TCF7L1: variants seen among roughly 807,000 people sequenced by gnomAD.
The protein encoded by TCF7L1 is transcription factor 7 like 1.
In TCF7L1, 18 loss-of-function variants were observed where a neutral mutation model predicts 63.7. The observed-to-expected ratio is 0.28, with a 90% CI of 0.20 to 0.42. The LOEUF (loss-of-function observed/expected upper bound fraction) is 0.42, where lower values mean the gene tolerates loss of function less well. TCF7L1 is among the 10% of genes least tolerant of loss of function. The pLI is 1.00. For missense variants in TCF7L1, 654 were observed against 779.3 expected, an observed-to-expected ratio of 0.84 and a Z score of 1.91; for synonymous variants, 355 against 340.9, an observed-to-expected ratio of 1.04 and a Z score of -0.46.
intron 3 of TCF7L1, among the ~76,000 whole-genome samples, chr2:85,137,016 G>A (rs919033843): frequency 1.3e-5 from 2 of 152,114 alleles, no homozygotes; most frequent in African/African-American, 2.4e-5. Context: ...TATATGATCC[G>A]ATCTCTCTGA....
chr2:85,242,463 C>T (rs531861797), intron 3 of TCF7L1, among the ~76,000 whole-genome samples: 31 of 152,378 alleles, frequency 2.0e-4, no homozygotes, highest in Middle Eastern at 3.4e-3. Context: ...CTCATCCAAG[C>T]CTGACCACAG....
intron 3 of TCF7L1, among the ~76,000 whole-genome samples, chr2:85,257,337 C>T (rs975650959): frequency 6.6e-6 from 1 of 152,168 alleles, no homozygotes; most frequent in East Asian, 1.9e-4. Context: ...CCTACCAAGG[C>T]CTTGGCTGTC....
At chr2:85,205,606 G>A (rs990076272) in intron 3 of TCF7L1, among the ~76,000 whole-genome samples, 5 of 151,024 alleles carry the variant, frequency 3.3e-5, no homozygotes, top group East Asian at 1.9e-4. Context: ...ATCTTGGCTC[G>A]CTGCAGCCTC....
intron 4 of TCF7L1, among the ~76,000 whole-genome samples, chr2:85,286,268 T>TGG (rs1681547340): frequency 1.3e-5 from 2 of 151,138 alleles, no homozygotes; most frequent in Non-Finnish European, 2.9e-5. Context: ...GGCAGGAGAA[T>TGG]TGCTTGAACC....
intron 3 of TCF7L1, among the ~76,000 whole-genome samples, chr2:85,166,557 C>G (rs1678423301): frequency 6.6e-6 from 1 of 152,170 alleles, no homozygotes; most frequent in Admixed American, 6.5e-5. Context: ...ATGGGGGTAC[C>G]CAGGAGCCCT....
At position 85,251,374 on chromosome 2, in the gene TCF7L1, G is replaced by A. The variant is rs1680583608; in HGVS notation, c.442-32121G>A. 2.0e-5 allele frequency among the ~76,000 whole-genome samples: 3 copies of A among 152,196 alleles called. No homozygotes were observed. The South Asian group carries it at 6.2e-4, about 31-fold the overall frequency. ...ATGCACACAAAGAGAAGCTTGTGAG[G>A]AAGAAATAAAAAGCCTTTGCCTTTA... On this transcript the variant is annotated intron_variant, in intron 3 of 11. Transcript: ENST00000282111.
chr2:85,284,299 C>T (rs1431577927), intron 4 of TCF7L1, among the ~76,000 whole-genome samples: 2 of 152,028 alleles, frequency 1.3e-5, no homozygotes, highest in Non-Finnish European at 2.9e-5. Context: ...CATGAGCCAC[C>T]GCGCCCGGCC....
chr2:85,209,684 G>A (rs1348349486), intron 3 of TCF7L1, among the ~76,000 whole-genome samples: 1 of 152,148 alleles, frequency 6.6e-6, no homozygotes, highest in African/African-American at 2.4e-5. Context: ...CCAAAGCGCA[G>A]AAGGTGCAGC....
chr2:85,164,712 A>G (rs1678375988), intron 3 of TCF7L1, among the ~76,000 whole-genome samples: 1 of 152,238 alleles, frequency 6.6e-6, no homozygotes, highest in South Asian at 2.1e-4. Context: ...CCACAGGGAC[A>G]TTAACAGTTC....
rs75365481 is a variant in TCF7L1 at position 85,290,884 on chromosome 2, C to T, written c.525+7306C>T. Among the ~76,000 whole-genome samples, 551 of 152,364 alleles carry T rather than the reference C, an allele frequency of 3.6e-3. 3 individuals are homozygous for T. Among genetic ancestry groups the T allele is most frequent in the African/African-American group, 0.012 (519 of 41,578 alleles). On this transcript the variant is annotated intron_variant, in intron 4 of 11. Transcript: ENST00000282111. The stretch of plus-strand genomic sequence containing the variant: ...TTGGCACCATTCATTCTCTGTCCTT[C>T]CAGCCCACCAGGATGGGAGCTGGGA...
In TCF7L1 at chr2:85,304,235, A is replaced by G. The variant is rs1405408387; in HGVS notation, c.762-20A>G. The G allele has an allele frequency of 2.5e-6, 4 of 1,608,776 alleles. No individual in the cohort carries two copies. The highest frequency in any genetic ancestry group is 3.4e-6 in the Non-Finnish European group (4 of 1,176,452). On this transcript the variant is annotated intron_variant, in intron 6 of 11. Transcript: ENST00000282111. ...CCTGAGCTTTCCCAATATGCTGACCAGATTTCCTCCCCCTCACAGGCAAGG... is the reference window on the plus strand; with the variant it reads ...CCTGAGCTTTCCCAATATGCTGACCGGATTTCCTCCCCCTCACAGGCAAGG...
At chr2:85,255,103 G>A (rs1274671247) in intron 3 of TCF7L1, among the ~76,000 whole-genome samples, 1 of 152,158 alleles carries the variant, frequency 6.6e-6, no homozygotes, top group Non-Finnish European at 1.5e-5. Flanking sequence ...GCCTCACTGA[G>A]ATGGCCTCAA....
At chr2:85,238,945 A>C (rs1680258143) in intron 3 of TCF7L1, among the ~76,000 whole-genome samples, 1 of 151,824 alleles carries the variant, frequency 6.6e-6, no homozygotes, top group African/African-American at 2.4e-5. Flanking sequence ...TGAGCCTTCC[A>C]AGTAGCTGGG....
chr2:85,285,520 G>T (rs1309199523), intron 4 of TCF7L1, among the ~76,000 whole-genome samples: 1 of 152,180 alleles, frequency 6.6e-6, no homozygotes, highest in Non-Finnish European at 1.5e-5. Flanking sequence ...AAGGCAGCAG[G>T]TTCTGCAGCC....
At chr2:85,214,223 G>A (rs1679638724) in intron 3 of TCF7L1, among the ~76,000 whole-genome samples, 1 of 152,208 alleles carries the variant, frequency 6.6e-6, no homozygotes, top group African/African-American at 2.4e-5. Context: ...AAGGATGACG[G>A]GTGGCAAGAG....
rs778403637 is a variant in TCF7L1, at chr2:85,309,201, C to G, written c.1506C>G (p.Pro502=). 5 of 1,613,988 alleles carry G rather than the reference C, an allele frequency of 3.1e-6. No individual in the cohort carries two copies. Among genetic ancestry groups the G allele is most frequent in the Non-Finnish European group, 4.2e-6 (5 of 1,180,036 alleles). ...PAATHSEQAQ[P]LSLTTKPETR... ...CCACCCATTCGGAGCAAGCCCAGCC[C>G]CTCTCCCTCACCACCAAACCAGAAA... Residue 502 remains proline (P), a synonymous_variant, in exon 12 of 12, where the codon CCC becomes CCG. Coordinates refer to ENST00000282111, the MANE Select transcript of TCF7L1 (RefSeq NM_031283.3).
intron 3 of TCF7L1, among the ~76,000 whole-genome samples, chr2:85,171,596 C>T (rs915777426): frequency 6.6e-6 from 1 of 152,192 alleles, no homozygotes; most frequent in African/African-American, 2.4e-5. Flanking sequence ...CAATCCTCTT[C>T]AATAGGGTTC....
chr2:85,207,404 G>C (rs1006607330), intron 3 of TCF7L1, among the ~76,000 whole-genome samples: 3 of 152,040 alleles, frequency 2.0e-5, no homozygotes, highest in Non-Finnish European at 4.4e-5. Flanking sequence ...TCATACACAG[G>C]TTCCTCCTTT....
At chr2:85,307,173 T>TAACCC (rs72122357) in intron 10 of TCF7L1, among the ~76,000 whole-genome samples, 77,754 of 151,356 alleles carry the variant, frequency 0.51, 21,218 homozygotes, top group East Asian at 0.9. Context: ...CAGCCACTCC[T>TAACCC]AACCCAGGGC....
Sources: allele counts gnomAD v4.1 joint callset (sites outside exome capture counted in the v4.1 genomes callset), GRCh38; gene constraint gnomAD v4.1.1; transcripts MANE v1.5; gene names NCBI Gene and HGNC (gene_info 2026-07-23, HGNC 2026-07-21).